The following GRIP2 variants were observed in gnomAD, a reference collection of about 807,000 sequenced individuals.
GRIP2 encodes glutamate receptor interacting protein 2.
GRIP2 carries 58 observed loss-of-function variants against 108.3 expected under a neutral mutation model. The observed-to-expected ratio is 0.54, with a 90% CI of 0.43 to 0.67. The LOEUF (loss-of-function observed/expected upper bound fraction) is 0.67. GRIP2 is among the 30% of genes least tolerant of loss of function. The pLI, the probability that GRIP2 is intolerant of heterozygous loss-of-function variation, is 0.00. For synonymous variants in GRIP2, 586 were observed against 598.2 expected, an observed-to-expected ratio of 0.98 and a Z score of 0.30; for missense variants, 1,278 against 1,430.6, an observed-to-expected ratio of 0.89 and a Z score of 1.72.
At chr3:14,558,702 G>C (rs1351385116), upstream of GRIP2, among the ~76,000 whole-genome samples, 2 of 152,070 alleles carry the variant, frequency 1.3e-5, no homozygotes, top group Admixed American at 6.5e-5. Context: ...GCATAGGGAG[G>C]TGGATCTGCC....
chr3:14,583,317 T>C, the GRIP2 span, among the ~76,000 whole-genome samples: 1 of 152,198 alleles, frequency 6.6e-6, no homozygotes, highest in African/African-American at 2.4e-5. Flanking sequence ...TTTACAAACC[T>C]AGGCCCACCT....
rs565540044 is a variant in GRIP2, at chr3:14,521,949, G to T, written c.567-162C>A. On this transcript the variant is annotated intron_variant, in intron 6 of 23. Transcript: ENST00000621039. The surrounding 1 kb of genome is among the most constrained non-coding windows in gnomAD (Gnocchi z 5.1). ...GTGAAGGGGCGCATGAGTGAGTGAA[G>T]GAATGAGCCACTCCAGGAGTGGGGA... 3.2e-6 allele frequency: 2 copies of T among 631,008 alleles called. No homozygotes were observed. 39.1% of individuals were successfully genotyped at this position (631,008 alleles called of 1,614,324 possible).
At chr3:14,509,679 G>A in intron 17 of GRIP2, 141 bp downstream of exon 17, 1 of 854,816 alleles carries the variant, frequency 1.2e-6, no homozygotes, top group Non-Finnish European at 1.6e-6. Flanking sequence ...GTCTCAGAGA[G>A]GGGAAGTGAC....
chr3:14,500,381 G>A (rs1023769337), intron 21 of GRIP2, among the ~76,000 whole-genome samples: 1 of 152,126 alleles, frequency 6.6e-6, no homozygotes, highest in African/African-American at 2.4e-5. Context: ...CGAGTCCTCG[G>A]ACTGAAAAAA....
the GRIP2 span, among the ~76,000 whole-genome samples, chr3:14,581,509 C>T: frequency 6.6e-6 from 1 of 152,224 alleles, no homozygotes; most frequent in Non-Finnish European, 1.5e-5. Context: ...GTCCTTTCTC[C>T]AGGCCACAGT....
chr3:14,517,938 T>C, intron 9 of GRIP2, 41 bp from the exon 10 acceptor site: 10 of 1,495,658 alleles, frequency 6.7e-6, no homozygotes, highest in Non-Finnish European at 8.0e-6. Flanking sequence ...GTGCAGGCGT[T>C]AGTGGCTGAG....
chr3:14,589,898 T>A, the GRIP2 span, among the ~76,000 whole-genome samples: 375 of 149,390 alleles, frequency 2.5e-3, 1 homozygote, highest in Middle Eastern at 0.028. Flanking sequence ...GCTCAAGCAA[T>A]CCTCCCATCT....
the GRIP2 span, among the ~76,000 whole-genome samples, chr3:14,578,847 G>T: frequency 1.4e-5 from 2 of 147,378 alleles, no homozygotes; most frequent in South Asian, 2.1e-4. Flanking sequence ...CAGGCCAGCT[G>T]TTTTTTTTTT....
chr3:14,514,390 G>A lies in GRIP2; in HGVS notation c.1395C>T (p.Ser465=), dbSNP rs770469795. The change falls in exon 12 of 24, where the codon AGC becomes AGT. Residue 465 remains serine (S), a synonymous_variant. Transcript: ENST00000621039. ...TEVVLCGDPL[S]GFGLQLQGGI... Reference sequence around the variant, plus strand: ...CGCCCTGGAGCTGGAGGCCAAAGCCGCTGAGGGGGTCTCCACAGAGCACGA... The same window carrying A: ...CGCCCTGGAGCTGGAGGCCAAAGCCACTGAGGGGGTCTCCACAGAGCACGA... 1.5e-5 allele frequency: 24 copies of A among 1,574,208 alleles called. No individual in the cohort carries two copies. Among genetic ancestry groups the A allele is most frequent in the African/African-American group, 8.1e-5 (6 of 74,058 alleles).
chr3:14,563,016 A>AG, the GRIP2 span, among the ~76,000 whole-genome samples: 3 of 150,930 alleles, frequency 2.0e-5, no homozygotes, highest in South Asian at 2.1e-4. Context: ...AGTGGGGGAA[A>AG]AAAAAAAGGA....
At chr3:14,509,999 CGAG>C (rs1429930293) in intron 16 of GRIP2, 35 bp from the exon 17 acceptor site, 2 of 1,396,154 alleles carry the variant, frequency 1.4e-6, no homozygotes, top group African/African-American at 2.9e-5. Flanking sequence ...AGGAGGCCCC[CGAG>C]GGGGTACCCA....
intron 21 of GRIP2, among the ~76,000 whole-genome samples, chr3:14,503,085 C>G (rs556336702): frequency 1.4e-4 from 21 of 152,326 alleles, no homozygotes; most frequent in African/African-American, 4.8e-4. Context: ...CTCTGGTTTC[C>G]CACAGCCCCT....
the GRIP2 span, among the ~76,000 whole-genome samples, chr3:14,584,984 CA>C: frequency 6.6e-6 from 1 of 152,236 alleles, no homozygotes; most frequent in Non-Finnish European, 1.5e-5. Flanking sequence ...AGGACTGAGG[CA>C]AGGCACTCAC....
chr3:14,517,266 A>G (rs927215576), intron 10 of GRIP2, 53 bp from the exon 11 acceptor site: 14 of 1,482,952 alleles, frequency 9.4e-6, no homozygotes, highest in Non-Finnish European at 1.1e-5. Context: ...TCTCCACCCC[A>G]CCACACAGTG....
At position 14,511,541 on chromosome 3, in the gene GRIP2, GC is replaced by G; in HGVS notation, c.1721-63del. The G allele has an allele frequency of 6.6e-7, 1 of 1,523,668 alleles. No homozygotes were observed. The highest frequency in any genetic ancestry group is 9.0e-7 in the Non-Finnish European group (1 of 1,105,414). The allele number at this position is 1,523,668 out of a possible 1,614,324, so 94.4% of individuals were successfully genotyped here. A position where few individuals can be genotyped will look rare whatever the true frequency, so the allele number is the denominator to read the frequency against. ...CCTCAGCCTGGGGTGGGGTGGCGAA[GC>G]CCAGGGGTCTGAGTGTGGACTCGGA... On this transcript the variant is annotated intron_variant, in intron 14 of 23. Coordinates refer to ENST00000621039, the MANE Select transcript of GRIP2 (RefSeq NM_001080423.4). The surrounding 1 kb of genome is among the most constrained non-coding windows in gnomAD (Gnocchi z 4.1).
At chr3:14,566,720 G>C in the GRIP2 span, among the ~76,000 whole-genome samples, 4 of 152,094 alleles carry the variant, frequency 2.6e-5, no homozygotes, top group African/African-American at 9.7e-5. Context: ...CTCCAATCTT[G>C]CCCTTAGCTC....
chr3:14,499,600 G>A (rs1693712147), intron 21 of GRIP2, among the ~76,000 whole-genome samples: 1 of 151,968 alleles, frequency 6.6e-6, no homozygotes, highest in Non-Finnish European at 1.5e-5. Flanking sequence ...GTGCATGCCT[G>A]TAGTCCCCAG....
At chr3:14,598,762 T>C in the GRIP2 span, among the ~76,000 whole-genome samples, 3 of 152,136 alleles carry the variant, frequency 2.0e-5, no homozygotes, top group Non-Finnish European at 4.4e-5. Context: ...ATTCTCTCCC[T>C]TCCTCTATTC....
At chr3:14,593,958 C>T in the GRIP2 span, among the ~76,000 whole-genome samples, 1 of 152,214 alleles carries the variant, frequency 6.6e-6, no homozygotes, top group Non-Finnish European at 1.5e-5. Context: ...GGGGGACTCA[C>T]CCTTCTCAAA....
Sources: gnomAD v4.1 joint callset for allele counts (sites outside exome capture counted in the v4.1 genomes callset) on GRCh38, gnomAD v4.1.1 for gene constraint, Gnocchi (gnomAD v3.1) non-coding constraint, MANE v1.5 for transcripts, NCBI Gene and HGNC (gene_info 2026-07-23, HGNC 2026-07-21) for gene names.